CDK6: variants seen among roughly 807,000 people sequenced by gnomAD.
The protein encoded by CDK6 is cyclin dependent kinase 6, also known as cyclin-dependent kinase 6.
Under a neutral mutation model 37.1 loss-of-function variants are expected in CDK6, and 6 were observed. That is an observed-to-expected ratio of 0.16 (90% confidence interval 0.09 to 0.32). The LOEUF (loss-of-function observed/expected upper bound fraction) is 0.32, where lower values mean the gene tolerates loss of function less well. CDK6 is among the 10% of genes least tolerant of loss of function. The pLI is 1.00. For missense variants in CDK6, 224 were observed against 418.9 expected (o/e 0.53, Z 4.06); for synonymous variants, 160 against 161.3 (o/e 0.99, Z 0.06).
intron 5 of CDK6, among the ~76,000 whole-genome samples, chr7:92,661,080 G>A (rs924371570): frequency 2.6e-5 from 4 of 152,146 alleles, no homozygotes; most frequent in Admixed American, 2.6e-4. Context: ...AGGCTTTCAC[G>A]GAGTGAGTGG....
Position 92,611,412 on chromosome 7 carries a change from A to T in CDK6, c.*3728T>A. On this transcript the variant is annotated 3_prime_UTR_variant, in exon 8 of 8. Coordinates refer to ENST00000424848, the MANE Select transcript of CDK6 (RefSeq NM_001145306.2). ...AGCCTGCTTTTGGAAAATGTAAGAC[A>T]CTCTCATGTGCTTATCATAAGAATA... is the stretch of plus-strand genomic sequence containing the variant. 2 of 227,320 alleles carry T rather than the reference A, an allele frequency of 8.8e-6. No homozygotes were observed. Among genetic ancestry groups the T allele is most frequent in the Non-Finnish European group, 1.7e-5 (2 of 114,438 alleles). 14.1% of individuals were successfully genotyped at this position (227,320 alleles called of 1,614,324 possible). A position where few individuals can be genotyped will look rare whatever the true frequency, so the allele number is the denominator to read the frequency against.
chr7:92,685,127 T>C (rs1797419617), intron 4 of CDK6, among the ~76,000 whole-genome samples: 2 of 152,218 alleles, frequency 1.3e-5, no homozygotes, highest in Admixed American at 1.3e-4. Flanking sequence ...GAAAGGATCA[T>C]TGAAAGGGAA....
chr7:92,750,123 G>T (rs925212870), intron 3 of CDK6, among the ~76,000 whole-genome samples: 4 of 152,102 alleles, frequency 2.6e-5, no homozygotes, highest in Non-Finnish European at 4.4e-5. Context: ...TTTAAATATA[G>T]GTCTTTATTC....
chr7:92,736,036 A>G (rs1400062054), intron 3 of CDK6, among the ~76,000 whole-genome samples: 1 of 152,158 alleles, frequency 6.6e-6, no homozygotes, highest in African/African-American at 2.4e-5. Context: ...TTTTGAGCTA[A>G]AAGCTTTGGA....
At position 92,709,403 on chromosome 7, in the gene CDK6, T is replaced by C. The variant is rs867805821; in HGVS notation, c.537+16223A>G. Among the ~76,000 whole-genome samples the C allele has an allele frequency of 3.9e-5, 6 of 152,200 alleles. No individual in the cohort carries two copies. The South Asian group carries it at 6.2e-4, about 16-fold the overall frequency. On this transcript the variant is annotated intron_variant, in intron 4 of 7. Transcript: ENST00000424848. ...GCAAACTCCTCCTCACTTGTAAGCCTGCCTCAAAAATTAGCTCCCCTGAGA... is the reference window on the plus strand; with the variant it reads ...GCAAACTCCTCCTCACTTGTAAGCCCGCCTCAAAAATTAGCTCCCCTGAGA...
At chr7:92,650,638 C>T (rs1464054090) in intron 5 of CDK6, among the ~76,000 whole-genome samples, 1 of 152,140 alleles carries the variant, frequency 6.6e-6, no homozygotes, top group African/African-American at 2.4e-5. Context: ...GTGTTCCATT[C>T]TGGAAGTTCT....
intron 5 of CDK6, among the ~76,000 whole-genome samples, chr7:92,637,278 T>TAAATGTCTACTTCCAA (rs1360734760): frequency 1.3e-5 from 2 of 152,208 alleles, no homozygotes; most frequent in Non-Finnish European, 2.9e-5. Flanking sequence ...ATTAAGCAAA[T>TAAATGTCTACTTCCAA]AAATGTCTAC....
chr7:92,615,614 G>A (rs755305555), intron 7 of CDK6, among the ~76,000 whole-genome samples: 1 of 152,150 alleles, frequency 6.6e-6, no homozygotes, highest in Non-Finnish European at 1.5e-5. Context: ...AGACTTCACC[G>A]TAACTTATTA....
chr7:92,826,609 A>G (rs1213482195), intron 2 of CDK6, among the ~76,000 whole-genome samples: 5 of 152,170 alleles, frequency 3.3e-5, no homozygotes. Context: ...ACAGAGGAAG[A>G]ACATGAGAAT....
intron 3 of CDK6, among the ~76,000 whole-genome samples, chr7:92,751,189 T>C (rs767462177): frequency 6.6e-6 from 1 of 152,160 alleles, no homozygotes; most frequent in Non-Finnish European, 1.5e-5. Context: ...TGGTCTCTCA[T>C]AATCTTCCTT....
chr7:92,749,713 C>T (rs142686022), intron 3 of CDK6, among the ~76,000 whole-genome samples: 4 of 152,328 alleles, frequency 2.6e-5, no homozygotes, highest in East Asian at 1.9e-4. Flanking sequence ...TTCTGCTGTA[C>T]TGATTTGTAG....
At chr7:92,754,445 A>G (rs1799263493) in intron 3 of CDK6, among the ~76,000 whole-genome samples, 1 of 152,220 alleles carries the variant, frequency 6.6e-6, no homozygotes, top group Admixed American at 6.5e-5. Context: ...AAACATGGTA[A>G]GAAACCATTC....
chr7:92,657,715 T>C (rs972645551), intron 5 of CDK6, among the ~76,000 whole-genome samples: 2 of 152,188 alleles, frequency 1.3e-5, no homozygotes, highest in African/African-American at 2.4e-5. Context: ...TATTCACTTA[T>C]GTTTTCCACT....
chr7:92,753,788 G>A (rs1053369343), intron 3 of CDK6, among the ~76,000 whole-genome samples: 9 of 152,120 alleles, frequency 5.9e-5, no homozygotes, highest in Admixed American at 5.9e-4. Context: ...CAGATTTGTG[G>A]TTCATTCCTA....
At chr7:92,728,446 A>G (rs1296321159) in intron 3 of CDK6, among the ~76,000 whole-genome samples, 1 of 152,222 alleles carries the variant, frequency 6.6e-6, no homozygotes. Flanking sequence ...TTTTGCCACT[A>G]ATAAAATTCT....
At chr7:92,643,362 G>GCTCATTCACTCATTCAGCAC (rs1235174708) in intron 5 of CDK6, among the ~76,000 whole-genome samples, 14 of 152,212 alleles carry the variant, frequency 9.2e-5, no homozygotes, top group African/African-American at 3.4e-4. Flanking sequence ...CGCTTCAGCA[G>GCTCATTCACTCATTCAGCAC]CTCATTCACT....
rs1448169168 is a variant in CDK6, at chr7:92,829,263, T to C, written c.233+3828A>G. Among the ~76,000 whole-genome samples, 3 of 152,202 alleles carry C rather than the reference T, an allele frequency of 2.0e-5. No individual in the cohort carries two copies. The East Asian group carries it at 5.8e-4, about 29-fold the overall frequency. On this transcript the variant is annotated intron_variant, in intron 2 of 7. Coordinates refer to ENST00000424848, the MANE Select transcript of CDK6 (RefSeq NM_001145306.2). ...ACAGCCTTTTCTTTGGGTTTTTTGT[T>C]TTGTTTTTAAAGCAGTGACTATTCT...
chr7:92,662,448 A>G (rs1481979245), intron 5 of CDK6, among the ~76,000 whole-genome samples: 2 of 152,140 alleles, frequency 1.3e-5, no homozygotes, highest in Non-Finnish European at 1.5e-5. Context: ...GCCTAGATGC[A>G]AGTGTTAAAC....
rs562866590 is a variant in CDK6 at position 92,744,946 on chromosome 7, G to C, written c.370-19153C>G. ...CTTACCTTTCTCGCTGGGCGACCTT[G>C]GGTAATTTTGTGTATTTTATTTTTA... On this transcript the variant is annotated intron_variant, in intron 3 of 7. Transcript: ENST00000424848. 8.6e-5 allele frequency among the ~76,000 whole-genome samples: 13 copies of C among 151,994 alleles called. No homozygotes were observed. The South Asian group carries it at 1.0e-3, about 12-fold the overall frequency.
Sources: gnomAD v4.1 joint callset for allele counts (sites outside exome capture counted in the v4.1 genomes callset) on GRCh38, gnomAD v4.1.1 for gene constraint, MANE v1.5 for transcripts, NCBI Gene and HGNC (gene_info 2026-07-23, HGNC 2026-07-21) for gene names.